Variants in IGDCC4 observed in about 807,000 individuals in gnomAD.
IGDCC4 encodes immunoglobulin superfamily DCC subclass member 4.
IGDCC4 carries 72 observed loss-of-function variants against 116.6 expected under a neutral mutation model. That is an observed-to-expected ratio of 0.62 (90% CI 0.51 to 0.75). The LOEUF is 0.75. Ranked by LOEUF, IGDCC4 falls within the 30% of genes least tolerant of loss-of-function variation. The probability of loss-of-function intolerance (pLI) is 0.00; values close to 1 mark genes in which losing one functional copy is unlikely to be tolerated. For synonymous variants in IGDCC4, 709 were observed against 719.9 expected, an observed-to-expected ratio of 0.98 and a Z score of 0.24; for missense variants, 1,501 against 1,662.4, an observed-to-expected ratio of 0.90 and a Z score of 1.69.
intron 16 of IGDCC4, 78 bp downstream of exon 16, chr15:65,388,371 C>T: frequency 6.3e-7 from 1 of 1,592,370 alleles, no homozygotes; most frequent in Non-Finnish European, 8.6e-7. Context: ...CTGTGCAAAA[C>T]AATGAAATTG....
intron 1 of IGDCC4, among the ~76,000 whole-genome samples, chr15:65,417,745 G>A (rs555151668): frequency 5.9e-5 from 9 of 152,248 alleles, no homozygotes; most frequent in African/African-American, 1.4e-4. Context: ...ACAGGTGTGC[G>A]CCACCATGCC....
intron 5 of IGDCC4, among the ~76,000 whole-genome samples, chr15:65,400,279 T>C (rs1397443252): frequency 6.6e-6 from 1 of 152,202 alleles, no homozygotes; most frequent in African/African-American, 2.4e-5. Flanking sequence ...CACTAGACGA[T>C]GAGTTCAGAG....
chr15:65,419,241 T>TC (rs987443858), intron 1 of IGDCC4, among the ~76,000 whole-genome samples: 2 of 150,784 alleles, frequency 1.3e-5, no homozygotes, highest in African/African-American at 4.9e-5. Flanking sequence ...TTTTTTTTTT[T>TC]TAATTTTTCG....
In IGDCC4 at chr15:65,402,374, G is replaced by T; in HGVS notation, c.677C>A (p.Ala226Asp). ...ACCTCTGTGGGCCACACTGAGTAGG[G>T]CCTCCTGGCTGAAGTGCTGGCGAGC... is the stretch of plus-strand genomic sequence containing the variant. ...NSARQHFSQE[A>D]LLSVAHRGSL... The change falls in exon 4 of 20, where the codon GCC becomes GAC. Residue 226 changes from alanine to aspartate, a missense_variant. Coordinates refer to ENST00000352385, the MANE Select transcript of IGDCC4 (RefSeq NM_020962.3). The T allele has an allele frequency of 6.4e-7, 1 of 1,570,764 alleles. No homozygotes were observed. The highest frequency in any genetic ancestry group is 1.9e-5 in the Admixed American group (1 of 53,998).
At chr15:65,386,990 C>T (rs985582624) in intron 16 of IGDCC4, among the ~76,000 whole-genome samples, 2 of 152,296 alleles carry the variant, frequency 1.3e-5, no homozygotes, top group East Asian at 1.9e-4. Context: ...ATGGACCCCA[C>T]GCTTGAGTTC....
intron 12 of IGDCC4, among the ~76,000 whole-genome samples, chr15:65,391,345 C>T (rs574377949): frequency 6.6e-6 from 1 of 152,244 alleles, no homozygotes. Flanking sequence ...CTGAGGTGTC[C>T]AATGCAGGGC....
chr15:65,413,420 G>T (rs2063116357), intron 1 of IGDCC4, among the ~76,000 whole-genome samples: 1 of 152,154 alleles, frequency 6.6e-6, no homozygotes, highest in Admixed American at 6.5e-5. Context: ...CAAGGCCCCA[G>T]AGGAACCTAC....
In IGDCC4 at chr15:65,385,010, G is replaced by A. The variant is rs548109593; in HGVS notation, c.3286C>T (p.Pro1096Ser). ...AACAGCGTCTGCCCAGTTCCAGCAG[G>A]GGGCAGCAGGGCCCGGGTCAGAGCC... ...RPALTRALLP[P>S]AGTGQTLLLQ... is the part of the protein sequence containing the mutation. Residue 1096 changes from proline (P) to serine (S), a missense_variant, in exon 19 of 20, where the codon CCT (proline) becomes TCT (serine). This residue lies in a region of IGDCC4 where 368 missense variants were observed against 355.6 expected (regional missense o/e 1.03). Coordinates refer to ENST00000352385, the MANE Select transcript of IGDCC4 (RefSeq NM_020962.3). 6.2e-7 allele frequency: 1 copy of A among 1,609,832 alleles called. No homozygotes were observed. The highest frequency in any genetic ancestry group is 2.2e-5 in the East Asian group (1 of 44,592).
intron 5 of IGDCC4, among the ~76,000 whole-genome samples, chr15:65,400,515 G>A (rs1030103350): frequency 6.6e-6 from 1 of 152,196 alleles, no homozygotes; most frequent in Non-Finnish European, 1.5e-5. Context: ...TTATGGTGGA[G>A]AACCTAGCTC....
intron 3 of IGDCC4, among the ~76,000 whole-genome samples, chr15:65,408,721 T>G (rs2063062092): frequency 6.6e-6 from 1 of 152,228 alleles, no homozygotes; most frequent in Non-Finnish European, 1.5e-5. Context: ...CTAAATCAAT[T>G]TTCATTTGTT....
At position 65,402,482 on chromosome 15, in the gene IGDCC4, A is replaced by G. The variant is rs1567088321; in HGVS notation, c.569T>C (p.Ile190Thr). The G allele has an allele frequency of 6.4e-7, 1 of 1,567,350 alleles. No individual in the cohort carries two copies. The highest frequency in any genetic ancestry group is 8.7e-7 in the Non-Finnish European group (1 of 1,155,288). Residue 190 changes from isoleucine to threonine, a missense_variant, in exon 4 of 20, where the codon ATC becomes ACC. Around this residue, in one of 3 missense-constraint regions of IGDCC4, gnomAD observed 898 missense variants for 978.9 expected, o/e 0.92. Coordinates refer to ENST00000352385, the MANE Select transcript of IGDCC4 (RefSeq NM_020962.3). ...CTGAAGGACGCCGTTGGGAAGCACG[A>G]TGAGCCTTGGGAAGAGGGGAGCAGG... ...QVTLPEEPRL[I>T]VLPNGVLQIL...
At position 65,401,010 on chromosome 15, in the gene IGDCC4, T is replaced by G; in HGVS notation, c.701-64A>C. The G allele has an allele frequency of 1.9e-6, 3 of 1,600,424 alleles. No individual in the cohort carries two copies. The South Asian group carries it at 3.3e-5, about 18-fold the overall frequency. On this transcript the variant is annotated intron_variant, in intron 4 of 19. Coordinates refer to ENST00000352385, the MANE Select transcript of IGDCC4 (RefSeq NM_020962.3). ...GGCATTTGCCATGCGATACCTCACC[T>G]GAGTCTCACAGTAACCTGGTGAGGT...
chr15:65,411,434 C>T (rs2063093486), intron 1 of IGDCC4, 64 bp from the exon 2 acceptor site: 1 of 1,378,578 alleles, frequency 7.3e-7, no homozygotes, highest in Non-Finnish European at 9.7e-7. Flanking sequence ...GCCTCTGCTC[C>T]TGAGTCACCC....
intron 1 of IGDCC4, among the ~76,000 whole-genome samples, chr15:65,418,578 C>T (rs2063163889): frequency 6.6e-6 from 1 of 152,114 alleles, no homozygotes; most frequent in Admixed American, 6.5e-5. Context: ...AGCTGGCAGC[C>T]CAGTTGGCAC....
chr15:65,387,700 C>T (rs1474217433), intron 16 of IGDCC4, among the ~76,000 whole-genome samples: 1 of 152,012 alleles, frequency 6.6e-6, no homozygotes, highest in Admixed American at 6.6e-5. Context: ...TTTCATTCTG[C>T]ACTGGGCCCT....
rs1385510613 is a variant in IGDCC4 at position 65,395,157 on chromosome 15, C to T, written c.1513G>A (p.Ala505Thr). ...CGGCTGGCTCCCAGCTGGGAGTAGGCCACCACGTAGAACTCATAATCTGTG... is the reference window on the plus strand; with the variant it reads ...CGGCTGGCTCCCAGCTGGGAGTAGGTCACCACGTAGAACTCATAATCTGTG... ...PNTDYEFYVV[A>T]YSQLGASRTS... The change falls in exon 8 of 20, where the codon GCC becomes ACC. Residue 505 changes from alanine (A) to threonine (T), a missense_variant. Ala to Thr is a moderately conservative substitution (Grantham distance 58). This residue lies in a region of IGDCC4 where 898 missense variants were observed against 978.9 expected (regional missense o/e 0.92). Coordinates refer to ENST00000352385, the MANE Select transcript of IGDCC4 (RefSeq NM_020962.3). 1 of 1,613,880 alleles carries T rather than the reference C, an allele frequency of 6.2e-7. No homozygotes were observed. The highest frequency in any genetic ancestry group is 2.2e-5 in the East Asian group (1 of 44,858).
Position 65,383,971 on chromosome 15 carries a change from C to T in IGDCC4, c.*38G>A. ...CACAGGTATCGCATCCTATGTGATC[C>T]ATACCTGCCTGCCCCAAACCACATC... On this transcript the variant is annotated 3_prime_UTR_variant, in exon 20 of 20. Coordinates refer to ENST00000352385, the MANE Select transcript of IGDCC4 (RefSeq NM_020962.3). 6.6e-7 allele frequency: 1 copy of T among 1,517,470 alleles called. No homozygotes were observed. The highest frequency in any genetic ancestry group is 8.9e-7 in the Non-Finnish European group (1 of 1,127,094). 94.0% of individuals were successfully genotyped at this position (1,517,470 alleles called of 1,614,324 possible).
chr15:65,386,633 T>C lies in IGDCC4; in HGVS notation c.2869A>G (p.Thr957Ala). 14 of 1,612,354 alleles carry C rather than the reference T, an allele frequency of 8.7e-6. No individual in the cohort carries two copies. Among genetic ancestry groups the C allele is most frequent in the Non-Finnish European group, 1.2e-5 (14 of 1,179,736 alleles). ...AGGCAGACACCCACGATGATGCCCG[T>C]GACTGAGTGCATGTCCAGCGAGTCT... ...LSDSLDMHSVTGIIVGVCLGL... is the reference protein window; with the variant it reads ...LSDSLDMHSVAGIIVGVCLGL... The change falls in exon 17 of 20, where the codon ACG (threonine) becomes GCG (alanine). Residue 957 changes from threonine to alanine, a missense_variant. By Grantham distance (58) the Thr-to-Ala change is moderately conservative. Coordinates refer to ENST00000352385, the MANE Select transcript of IGDCC4 (RefSeq NM_020962.3).
rs151127301 is a variant in IGDCC4, at chr15:65,417,736, C to T, written c.70+5057G>A. 8.9e-4 allele frequency among the ~76,000 whole-genome samples: 136 copies of T among 152,306 alleles called. 1 individual carries two copies. Among genetic ancestry groups the T allele is most frequent in the African/African-American group, 3.1e-3 (128 of 41,562 alleles). ...TCAGCCTCTTAAGTAGCTGGGACTACAGGTGTGCGCCACCATGCCTGGCTA... is the reference window on the plus strand; with the variant it reads ...TCAGCCTCTTAAGTAGCTGGGACTATAGGTGTGCGCCACCATGCCTGGCTA... On this transcript the variant is annotated intron_variant, in intron 1 of 19. Transcript: ENST00000352385.
Sources: allele counts gnomAD v4.1 joint callset (sites outside exome capture counted in the v4.1 genomes callset), GRCh38; gene constraint gnomAD v4.1.1; regional missense constraint gnomAD v4.1.1; transcripts MANE v1.5; gene names NCBI Gene and HGNC (gene_info 2026-07-23, HGNC 2026-07-21).